TACC2: variants seen among roughly 807,000 people sequenced by gnomAD.
TACC2 encodes transforming acidic coiled-coil containing protein 2.
A neutral mutation model predicts 227.3 loss-of-function variants in TACC2; 137 were observed. The ratio of observed to expected loss-of-function variants is 0.60; its 90% CI spans 0.52 to 0.69. TACC2 has a LOEUF of 0.69. TACC2 is among the 30% of genes least tolerant of loss of function. The pLI is 0.00. For synonymous variants in TACC2, 1,523 were observed against 1,487.5 expected (o/e 1.02, Z -0.55); for missense variants, 3,470 against 3,694.4 (o/e 0.94, Z 1.57).
chr10:122,149,424 C>T (rs1057327531), intron 7 of TACC2, among the ~76,000 whole-genome samples: 1 of 152,170 alleles, frequency 6.6e-6, no homozygotes, highest in Non-Finnish European at 1.5e-5. Flanking sequence ...TTGAGAAATG[C>T]TACCCTGAGC....
chr10:122,237,258 T>G, intron 16 of TACC2, 137 bp from the exon 17 acceptor site: 2 of 852,466 alleles, frequency 2.3e-6, no homozygotes, highest in East Asian at 5.5e-5. Flanking sequence ...TTCATCAGTC[T>G]TTGCACTTTC....
chr10:122,098,993 C>T (rs753193913), intron 5 of TACC2, among the ~76,000 whole-genome samples: 5 of 152,146 alleles, frequency 3.3e-5, no homozygotes, highest in East Asian at 3.9e-4. Context: ...TTGCCAGGAG[C>T]GGCTGCAGAG....
chr10:122,102,294 G>A (rs977585828), intron 5 of TACC2, among the ~76,000 whole-genome samples: 1 of 152,206 alleles, frequency 6.6e-6, no homozygotes. Context: ...AAGTTCGCCA[G>A]GTATTTCTAC....
intron 1 of TACC2, among the ~76,000 whole-genome samples, chr10:122,006,214 C>T (rs908772119): frequency 1.3e-5 from 2 of 151,690 alleles, no homozygotes; most frequent in Admixed American, 6.6e-5. Context: ...TTTGGGAGGC[C>T]GAGGTGGGTG....
chr10:122,248,617 A>G, intron 19 of TACC2, 26 bp from the exon 20 acceptor site: 8 of 1,611,918 alleles, frequency 5.0e-6, no homozygotes, highest in East Asian at 2.2e-5. Context: ...GGGCTCCATC[A>G]TTTGGCTCCT....
intron 18 of TACC2, among the ~76,000 whole-genome samples, chr10:122,240,141 A>G (rs12777747): frequency 0.16 from 24,619 of 152,108 alleles, 2,443 homozygotes; most frequent in South Asian, 0.25. Context: ...TGTGAGGGTA[A>G]AGTGAAAAAA....
chr10:122,197,860 G>A (rs2094627511), intron 8 of TACC2, among the ~76,000 whole-genome samples: 1 of 152,304 alleles, frequency 6.6e-6, no homozygotes, highest in East Asian at 1.9e-4. Flanking sequence ...GGGTCCCCTC[G>A]TCCATTCTGT....
intron 7 of TACC2, among the ~76,000 whole-genome samples, chr10:122,181,035 C>T (rs1460778244): frequency 1.2e-4 from 18 of 151,564 alleles, no homozygotes; most frequent in African/African-American, 3.7e-4. Flanking sequence ...TGAGCCACCG[C>T]GCCCGGCCAA....
At chr10:122,079,744 T>C (rs1224807844) in intron 3 of TACC2, among the ~76,000 whole-genome samples, 1 of 152,224 alleles carries the variant, frequency 6.6e-6, no homozygotes, top group Non-Finnish European at 1.5e-5. Flanking sequence ...TTGTGTCCAG[T>C]GGAATCAGAT....
intron 2 of TACC2, among the ~76,000 whole-genome samples, chr10:122,036,374 T>C (rs1393201513): frequency 1.3e-5 from 2 of 151,432 alleles, no homozygotes; most frequent in African/African-American, 4.9e-5. Flanking sequence ...TTGTATTTTT[T>C]AGTAGAGACA....
intron 6 of TACC2, among the ~76,000 whole-genome samples, chr10:122,137,282 A>G (rs1412246271): frequency 6.6e-6 from 1 of 150,886 alleles, no homozygotes; most frequent in Non-Finnish European, 1.5e-5. Context: ...CAGTATTTTC[A>G]TTAAAAAAAA....
chr10:122,185,119 G>A (rs776414826), intron 7 of TACC2, among the ~76,000 whole-genome samples: 55 of 149,372 alleles, frequency 3.7e-4, no homozygotes, highest in Admixed American at 1.0e-3. Flanking sequence ...TCCTGCCTCG[G>A]CCTCCCAAAG....
chr10:122,022,448 C>G (rs908144007), intron 2 of TACC2: 1 of 155,120 alleles, frequency 6.4e-6, no homozygotes, highest in African/African-American at 2.4e-5. Context: ...TGGGGTCTGG[C>G]TATGTTGCCC....
chr10:122,109,761 G>A (rs2083368283), intron 5 of TACC2, among the ~76,000 whole-genome samples: 1 of 152,194 alleles, frequency 6.6e-6, no homozygotes. Context: ...TGATCATGTT[G>A]GATCTGGGTG....
At position 122,050,440 on chromosome 10, in the gene TACC2, G is replaced by A. The variant is rs1375461398; in HGVS notation, c.36G>A (p.Arg12=). ...GNENSTSDNQ[R]TLSAQTPRSA... ...AATTTCTTTTTCTCCTGGCTCAGAG[G>A]ACTTTATCAGCTCAGACTCCAAGGT... The change falls in exon 3 of 23, where the codon AGG becomes AGA. Residue 12 remains arginine (R), a splice_region_variant and synonymous_variant. Coordinates refer to ENST00000369005, the MANE Select transcript of TACC2 (RefSeq NM_206862.4). The surrounding 1 kb of genome is among the most constrained non-coding windows in gnomAD (Gnocchi z 4.6). 2 of 1,613,022 alleles carry A rather than the reference G, an allele frequency of 1.2e-6. No homozygotes were observed. The highest frequency in any genetic ancestry group is 2.2e-5 in the East Asian group (1 of 44,864).
intron 13 of TACC2, 52 bp downstream of exon 13, chr10:122,226,533 C>T: frequency 7.9e-7 from 1 of 1,257,948 alleles, no homozygotes; most frequent in Non-Finnish European, 1.2e-6. Flanking sequence ...GTTCTAAAGC[C>T]TCTGAGCACC....
At chr10:122,250,613 C>T (rs566129970) in intron 22 of TACC2, among the ~76,000 whole-genome samples, 2 of 152,226 alleles carry the variant, frequency 1.3e-5, no homozygotes, top group South Asian at 4.1e-4. Context: ...TGATCTCTGC[C>T]CTGGGCAGGT....
Position 122,087,029 on chromosome 10 carries a change from C to T in TACC2, c.4529C>T (p.Pro1510Leu). 6.2e-7 allele frequency: 1 copy of T among 1,613,870 alleles called. No individual in the cohort carries two copies. The highest frequency in any genetic ancestry group is 8.5e-7 in the Non-Finnish European group (1 of 1,180,018). ...PAGLTWERNL[P>L]GAGVGKEMAG... ...GGGCTGACCTGGGAGCGGAACTTGCCAGGTGCCGGTGTGGGGAAGGAGATG... is the reference window on the plus strand; with the variant it reads ...GGGCTGACCTGGGAGCGGAACTTGCTAGGTGCCGGTGTGGGGAAGGAGATG... Residue 1510 changes from proline (P) to leucine (L), a missense_variant, in exon 4 of 23, where the codon CCA becomes CTA. Physicochemically the swap from Pro to Leu is moderately conservative, Grantham distance 98. Coordinates refer to ENST00000369005, the MANE Select transcript of TACC2 (RefSeq NM_206862.4).
At chr10:122,122,352 T>C (rs2085993478) in intron 5 of TACC2, among the ~76,000 whole-genome samples, 1 of 152,082 alleles carries the variant, frequency 6.6e-6, no homozygotes, top group Non-Finnish European at 1.5e-5. Context: ...TGAAACTCCG[T>C]CTCAAAAAAT....
Sources: allele counts gnomAD v4.1 joint callset (sites outside exome capture counted in the v4.1 genomes callset), GRCh38; gene constraint gnomAD v4.1.1; non-coding constraint Gnocchi (gnomAD v3.1); transcripts MANE v1.5; gene names NCBI Gene and HGNC (gene_info 2026-07-23, HGNC 2026-07-21).